PGM5: variants seen among roughly 807,000 people sequenced by gnomAD.
PGM5 encodes phosphoglucomutase-like protein 5.
In PGM5, 23 loss-of-function variants were observed where a neutral mutation model predicts 59.2. The ratio of observed to expected loss-of-function variants is 0.39; its 90% CI spans 0.28 to 0.55. The LOEUF (loss-of-function observed/expected upper bound fraction) is 0.55. PGM5 is among the 20% of genes least tolerant of loss of function. The probability of loss-of-function intolerance (pLI) is 0.66; values close to 1 mark genes in which losing one functional copy is unlikely to be tolerated. For missense variants in PGM5, 574 were observed against 748.3 expected (o/e 0.77, Z 2.72); for synonymous variants, 214 against 286.0 (o/e 0.75, Z 2.54).
In PGM5 at chr9:68,481,730, A is replaced by G. The variant is rs1824199568; in HGVS notation, c.1296-2135A>G. On this transcript the variant is annotated intron_variant, in intron 8 of 10. Transcript: ENST00000396396. ...TTCTTCATAACAAATACCATATTTG[A>G]AAATAATATGCAATACAGATTTAAT... 5.9e-5 allele frequency among the ~76,000 whole-genome samples: 9 copies of G among 152,382 alleles called. No homozygotes were observed. In the South Asian group the frequency reaches 1.9e-3, roughly 32 times the overall value.
chr9:68,484,578 A>ACACACACAC (rs1491179842), intron 9 of PGM5, among the ~76,000 whole-genome samples: 3 of 143,502 alleles, frequency 2.1e-5, no homozygotes, highest in African/African-American at 8.3e-5. Context: ...ACACACACAC[A>ACACACACAC]AAACAAAACA....
At chr9:68,488,444 C>A (rs1824333707) in intron 9 of PGM5, among the ~76,000 whole-genome samples, 1 of 152,208 alleles carries the variant, frequency 6.6e-6, no homozygotes, top group South Asian at 2.1e-4. Flanking sequence ...TGGTGATAAC[C>A]ACCCCACTAC....
At chr9:68,415,834 C>A (rs1823019798) in intron 6 of PGM5, among the ~76,000 whole-genome samples, 1 of 117,540 alleles carries the variant, frequency 8.5e-6, no homozygotes, top group Non-Finnish European at 1.9e-5. Flanking sequence ...CTATCATCTA[C>A]ACACACTAAT....
intron 6 of PGM5, among the ~76,000 whole-genome samples, chr9:68,448,940 G>A (rs1421057193): frequency 1.3e-5 from 2 of 152,210 alleles, no homozygotes; most frequent in African/African-American, 4.8e-5. Flanking sequence ...GGCTACTATA[G>A]TAAATTACCA....
intron 6 of PGM5, among the ~76,000 whole-genome samples, chr9:68,424,325 C>G (rs1179401772): frequency 6.6e-6 from 1 of 152,110 alleles, no homozygotes; most frequent in Non-Finnish European, 1.5e-5. Flanking sequence ...GCTGAGAAGT[C>G]CAAAATCAAG....
At chr9:68,518,733 T>C (rs529604585) in intron 10 of PGM5, among the ~76,000 whole-genome samples, 1 of 152,338 alleles carries the variant, frequency 6.6e-6, no homozygotes, top group South Asian at 2.1e-4. Context: ...GAATATAAGA[T>C]TGCTGCCTTT....
chr9:68,484,211 A>G (rs1319419126), intron 9 of PGM5, among the ~76,000 whole-genome samples, 163 bp downstream of exon 9: 1 of 151,946 alleles, frequency 6.6e-6, no homozygotes, highest in East Asian at 1.9e-4. Context: ...GACACCTAAC[A>G]AGTTAGTGCA....
At chr9:68,402,680 A>G (rs1822702794) in intron 6 of PGM5, among the ~76,000 whole-genome samples, 1 of 152,198 alleles carries the variant, frequency 6.6e-6, no homozygotes, top group African/African-American at 2.4e-5. Context: ...AGCCCAGCCT[A>G]ACTCTCAATC....
chr9:68,395,138 T>C (rs1822467220), intron 6 of PGM5, among the ~76,000 whole-genome samples: 1 of 152,198 alleles, frequency 6.6e-6, no homozygotes, highest in Non-Finnish European at 1.5e-5. Flanking sequence ...ATGTCTAGAA[T>C]GATTTTGAAT....
chr9:68,359,309 G>C (rs3873975), intron 1 of PGM5, among the ~76,000 whole-genome samples: 37,901 of 151,660 alleles, frequency 0.25, 5,656 homozygotes, highest in Admixed American at 0.34. Context: ...AAACCTACTA[G>C]CTGTTATAAA....
In PGM5 at chr9:68,526,065, AAAG is replaced by A. The variant is rs1419460314; in HGVS notation, c.1615-3499_1615-3497del. On this transcript the variant is annotated intron_variant, in intron 10 of 10. Coordinates refer to ENST00000396396, the MANE Select transcript of PGM5 (RefSeq NM_021965.4). ...AGTGAGACTCCTTCTCAAAAAAAAA[AAAG>A]AAAGAAAGAAAAAAAAGGAGCTTAA... is the stretch of plus-strand genomic sequence containing the variant. 9.4e-4 allele frequency among the ~76,000 whole-genome samples: 124 copies of A among 132,452 alleles called. 2 individuals carry two copies. The highest frequency in any genetic ancestry group is 5.1e-3 in the African/African-American group (118 of 23,030). The allele number at this position is 132,452 out of a possible 152,430, so 86.9% of individuals were successfully genotyped here.
Position 68,387,463 on chromosome 9 carries a change from T to A in PGM5, c.572T>A (p.Val191Glu). ...TTTTCCTTTGTTTTTCTATCTTTAG[T>A]GGAGATAGTGGACCCAGTGGATATC... is the stretch of plus-strand genomic sequence containing the variant. ...DLENKFKPFR[V>E]EIVDPVDIYL... The change falls in exon 4 of 11, where the codon GTG becomes GAG. Residue 191 changes from valine to glutamate, a missense_variant and splice_region_variant. Around this residue, in one of 7 missense-constraint regions of PGM5, gnomAD observed 103 missense variants for 112.4 expected, o/e 0.92. Coordinates refer to ENST00000396396, the MANE Select transcript of PGM5 (RefSeq NM_021965.4). 1 of 1,609,368 alleles carries A rather than the reference T, an allele frequency of 6.2e-7. No homozygotes were observed. Among genetic ancestry groups the A allele is most frequent in the East Asian group, 2.2e-5 (1 of 44,812 alleles).
Position 68,499,306 on chromosome 9 carries a change from G to A in PGM5, c.1559G>A (p.Arg520Lys). ...SSSSGVRATL[R>K]LYAESYERDP... ...TCCAGTGGTGTGCGGGCCACCCTCA[G>A]ACTGTACGCAGAGAGCTACGAGAGG... is the stretch of plus-strand genomic sequence containing the variant. The change falls in exon 10 of 11, where the codon AGA becomes AAA. Residue 520 changes from arginine (R) to lysine (K), a missense_variant. Coordinates refer to ENST00000396396, the MANE Select transcript of PGM5 (RefSeq NM_021965.4). 1 of 1,614,172 alleles carries A rather than the reference G, an allele frequency of 6.2e-7. No individual in the cohort carries two copies. The highest frequency in any genetic ancestry group is 1.3e-5 in the African/African-American group (1 of 75,038).
chr9:68,462,270 C>A (rs1554685464), intron 6 of PGM5, among the ~76,000 whole-genome samples: 1 of 152,140 alleles, frequency 6.6e-6, no homozygotes, highest in African/African-American at 2.4e-5. Flanking sequence ...TCAGCATGGG[C>A]AGCTTCGTTT....
At chr9:68,470,025 T>A (rs1554686126) in intron 7 of PGM5, among the ~76,000 whole-genome samples, 1 of 152,150 alleles carries the variant, frequency 6.6e-6, no homozygotes, top group East Asian at 1.9e-4. Flanking sequence ...TTATGAATGA[T>A]AACAAAATTA....
intron 1 of PGM5, among the ~76,000 whole-genome samples, chr9:68,364,549 G>A (rs1363608825): frequency 1.3e-5 from 2 of 152,184 alleles, no homozygotes; most frequent in African/African-American, 4.8e-5. Context: ...GGGCTGCTAT[G>A]ATCCAGACAT....
intron 1 of PGM5, among the ~76,000 whole-genome samples, chr9:68,377,876 C>T (rs1248366495): frequency 2.0e-5 from 3 of 152,102 alleles, no homozygotes; most frequent in Admixed American, 6.6e-5. Flanking sequence ...GAGTCAGTAG[C>T]AAACTAAGAA....
chr9:68,463,597 C>T (rs1373465656), intron 6 of PGM5, among the ~76,000 whole-genome samples: 1 of 152,162 alleles, frequency 6.6e-6, no homozygotes, highest in African/African-American at 2.4e-5. Flanking sequence ...TGAACAAAAA[C>T]TTGACTTCTC....
chr9:68,406,712 A>G lies in PGM5; in HGVS notation c.1043+14239A>G, dbSNP rs1276137794. On this transcript the variant is annotated intron_variant, in intron 6 of 10. Transcript: ENST00000396396. ...TATATATATATATATATATATATAT[A>G]TATATATATATATGTATATAGTGCT... Among the ~76,000 whole-genome samples the G allele has an allele frequency of 3.6e-4, 32 of 88,720 alleles. 6 individuals carry two copies. The highest frequency in any genetic ancestry group is 7.9e-4 in the South Asian group (2 of 2,520). The allele number at this position is 88,720 out of a possible 152,430, so 58.2% of individuals were successfully genotyped here.
Sources: gnomAD v4.1 joint callset for allele counts (sites outside exome capture counted in the v4.1 genomes callset) on GRCh38, gnomAD v4.1.1 for gene constraint, gnomAD v4.1.1 regional missense constraint, MANE v1.5 for transcripts, NCBI Gene and HGNC (gene_info 2026-07-23, HGNC 2026-07-21) for gene names.